Variants in SUPV3L1 observed in about 807,000 individuals in gnomAD.
SUPV3L1 encodes the protein ATP-dependent RNA helicase SUPV3L1, mitochondrial.
A neutral mutation model predicts 70.0 loss-of-function variants in SUPV3L1; 35 were observed. The observed-to-expected ratio is 0.50, with a 90% CI of 0.38 to 0.66. The LOEUF is 0.66. Among genes scored for constraint, SUPV3L1 ranks in the 30% least tolerant of loss-of-function variants. SUPV3L1 has a pLI of 0.00. For missense variants in SUPV3L1, 777 were observed against 961.5 expected (o/e 0.81, Z 2.54); for synonymous variants, 364 against 341.9 (o/e 1.06, Z -0.71).
chr10:69,202,832 G>C (rs369922683), intron 12 of SUPV3L1, 35 bp from the exon 13 acceptor site: 1 of 1,588,986 alleles, frequency 6.3e-7, no homozygotes, highest in Non-Finnish European at 8.6e-7. Flanking sequence ...AATTCACTTA[G>C]GCAGTCCAGT....
chr10:69,196,885 G>C, intron 7 of SUPV3L1, 107 bp from the exon 8 acceptor site: 2 of 873,874 alleles, frequency 2.3e-6, no homozygotes, highest in South Asian at 1.6e-5. Context: ...TACTTGGTAA[G>C]GTTGTAAAGC....
At chr10:69,182,282 A>T (rs796510643) in intron 1 of SUPV3L1, among the ~76,000 whole-genome samples, 2 of 152,300 alleles carry the variant, frequency 1.3e-5, no homozygotes, top group African/African-American at 4.8e-5. Context: ...GACCTGAGCC[A>T]CTGCACCCAG....
chr10:69,180,484 G>T lies in SUPV3L1; in HGVS notation c.193G>T (p.Val65Leu). The T allele has an allele frequency of 6.2e-7, 1 of 1,614,156 alleles. No homozygotes were observed. The highest frequency in any genetic ancestry group is 8.5e-7 in the Non-Finnish European group (1 of 1,180,026). Residue 65 changes from valine (V) to leucine (L), a missense_variant, in exon 1 of 15, where the codon GTG becomes TTG. Coordinates refer to ENST00000359655, the MANE Select transcript of SUPV3L1 (RefSeq NM_003171.5). ...CAAAATACCAAACACGTCCTTGTTC[G>T]TGCCCCTGACTGTGAAACCTCAGGG... Reference protein sequence around the residue: ...GSKIPNTSLFVPLTVKPQGPS... With the variant: ...GSKIPNTSLFLPLTVKPQGPS...
At chr10:69,189,123 A>G in intron 4 of SUPV3L1, 144 bp from the exon 5 acceptor site, 3 of 824,760 alleles carry the variant, frequency 3.6e-6, no homozygotes, top group Non-Finnish European at 5.2e-6. Flanking sequence ...TAATGTGGAT[A>G]TGAAACCCAT....
At chr10:69,189,138 T>G in intron 4 of SUPV3L1, 129 bp from the exon 5 acceptor site, 1 of 951,080 alleles carries the variant, frequency 1.1e-6, no homozygotes, top group Non-Finnish European at 1.5e-6. Context: ...ACCCATTGTT[T>G]AGTTTTTCAA....
At chr10:69,183,771 G>A (rs1253317958) in intron 1 of SUPV3L1, among the ~76,000 whole-genome samples, 2 of 151,956 alleles carry the variant, frequency 1.3e-5, no homozygotes, top group African/African-American at 4.8e-5. Context: ...TAGTGTATTT[G>A]CAGGATTGTA....
At chr10:69,198,609 G>T (rs1045172469) in intron 9 of SUPV3L1, 57 bp downstream of exon 9, 1 of 1,531,026 alleles carries the variant, frequency 6.5e-7, no homozygotes, top group African/African-American at 1.4e-5. Flanking sequence ...TGCAATTTAT[G>T]TTGAGATATA....
Position 69,208,974 on chromosome 10 carries a change from C to G in SUPV3L1, c.2300C>G (p.Thr767Arg). 2 of 1,613,132 alleles carry G rather than the reference C, an allele frequency of 1.2e-6. No individual in the cohort carries two copies. The highest frequency in any genetic ancestry group is 1.7e-6 in the Non-Finnish European group (2 of 1,179,866). Reference sequence around the variant, plus strand: ...CAAACTGAACACAACAAAGAAAAAACAGAGTCTGGGACTCATCCAAAAGGG... The same window carrying G: ...CAAACTGAACACAACAAAGAAAAAAGAGAGTCTGGGACTCATCCAAAAGGG... ...TQQTEHNKEK[T>R]ESGTHPKGTR... The change falls in exon 15 of 15, where the codon ACA becomes AGA. Residue 767 changes from threonine to arginine, a missense_variant. Thr to Arg is a moderately conservative substitution (Grantham distance 71). Transcript: ENST00000359655.
At chr10:69,194,305 G>A (rs1452515804) in intron 6 of SUPV3L1, among the ~76,000 whole-genome samples, 1 of 151,908 alleles carries the variant, frequency 6.6e-6, no homozygotes, top group African/African-American at 2.4e-5. Flanking sequence ...CCAGGAGTTC[G>A]AGACCAGCCT....
At chr10:69,194,432 G>A (rs1842482449) in intron 6 of SUPV3L1, among the ~76,000 whole-genome samples, 1 of 151,878 alleles carries the variant, frequency 6.6e-6, no homozygotes, top group Admixed American at 6.6e-5. Flanking sequence ...GCTCACTGCA[G>A]GCTCCGCCTC....
intron 1 of SUPV3L1, among the ~76,000 whole-genome samples, chr10:69,181,679 A>G (rs1842065485): frequency 6.6e-6 from 1 of 152,162 alleles, no homozygotes; most frequent in Non-Finnish European, 1.5e-5. Flanking sequence ...ACATGGTGGA[A>G]GGTGGAAAGG....
Position 69,180,312 on chromosome 10 carries a change from A to G in SUPV3L1, c.21A>G (p.Leu7=), listed in dbSNP as rs748186404. The change falls in exon 1 of 15, where the codon CTA becomes CTG. Residue 7 remains leucine, a synonymous_variant. Coordinates refer to ENST00000359655, the MANE Select transcript of SUPV3L1 (RefSeq NM_003171.5). The part of the protein sequence containing the change: MSFSRA[L]LWARLPAGRQ... The stretch of plus-strand genomic sequence containing the variant: ...CCTCGATGTCCTTCTCCCGTGCCCT[A>G]TTGTGGGCTCGGCTCCCGGCGGGGC... The G allele has an allele frequency of 8.7e-6, 14 of 1,613,744 alleles. No homozygotes were observed. The highest frequency in any genetic ancestry group is 1.2e-5 in the Non-Finnish European group (14 of 1,179,928).
rs150570827 is a variant in SUPV3L1 at position 69,193,405 on chromosome 10, A to G, written c.853+1639A>G. On this transcript the variant is annotated intron_variant, in intron 6 of 14. Transcript: ENST00000359655. ...GTTTATAAATCAGAATTTCTTCTCT[A>G]TGTCTTCTCTTCTAGTCTTGTTTGT... The G allele has an allele frequency of 3.3e-5, 5 of 151,078 alleles. No individual in the cohort carries two copies. The East Asian group carries it at 5.8e-4, about 18-fold the overall frequency. 9.4% of individuals were successfully genotyped at this position (151,078 alleles called of 1,614,324 possible).
At chr10:69,202,828 C>T (rs1406094614) in intron 12 of SUPV3L1, 39 bp from the exon 13 acceptor site, 3 of 1,581,694 alleles carry the variant, frequency 1.9e-6, no homozygotes, top group East Asian at 2.2e-5. Context: ...TTTTAATTCA[C>T]TTAGGCAGTC....
chr10:69,202,769 G>A (rs1260953096), intron 12 of SUPV3L1, 98 bp from the exon 13 acceptor site: 5 of 1,297,134 alleles, frequency 3.9e-6, no homozygotes, highest in Non-Finnish European at 4.3e-6. Context: ...GTTTGTTCTG[G>A]ATTAAAGAGA....
Position 69,200,357 on chromosome 10 carries a change from T to A in SUPV3L1, c.1376T>A (p.Ile459Asn). The stretch of plus-strand genomic sequence containing the variant: ...AAGGGAGAGAGAGAACTAGAACCAA[T>A]CACAACCTCTCAAGCCCTGCAGATT... ...NEKGERELEPITTSQALQIAG... is the reference protein window; with the variant it reads ...NEKGERELEPNTTSQALQIAG... Residue 459 changes from isoleucine (I) to asparagine (N), a missense_variant, in exon 11 of 15, where the codon ATC (isoleucine) becomes AAC (asparagine). Coordinates refer to ENST00000359655, the MANE Select transcript of SUPV3L1 (RefSeq NM_003171.5). 6.2e-7 allele frequency: 1 copy of A among 1,614,050 alleles called. No homozygotes were observed. The highest frequency in any genetic ancestry group is 8.5e-7 in the Non-Finnish European group (1 of 1,180,018).
At chr10:69,182,763 G>A (rs531145400) in intron 1 of SUPV3L1, 82 of 795,740 alleles carry the variant, frequency 1.0e-4, no homozygotes, top group Non-Finnish European at 1.2e-4. Flanking sequence ...ACTACACTCT[G>A]ATATAGCCAT....
Position 69,207,919 on chromosome 10 carries a change from T to C in SUPV3L1, c.1903T>C (p.Leu635=). The change falls in exon 14 of 15, where the codon TTG becomes CTG. Residue 635 remains leucine (L), a synonymous_variant. Transcript: ENST00000359655. ...GGATCTTGAAGCTGTCCACGATGTC[T>C]TGGATCTTTACTTGTGGCTAAGGTA... The part of the protein sequence containing the change: ...LMDLEAVHDV[L]DLYLWLSYRF... 6.2e-7 allele frequency: 1 copy of C among 1,614,064 alleles called. No homozygotes were observed.
At chr10:69,184,358 GTC>G (rs1842154716) in intron 1 of SUPV3L1, among the ~76,000 whole-genome samples, 1 of 151,932 alleles carries the variant, frequency 6.6e-6, no homozygotes, top group Non-Finnish European at 1.5e-5. Context: ...GAGAAACCCT[GTC>G]TCTACTAAAA....
Sources: allele counts gnomAD v4.1 joint callset (sites outside exome capture counted in the v4.1 genomes callset), GRCh38; gene constraint gnomAD v4.1.1; transcripts MANE v1.5; gene names NCBI Gene and HGNC (gene_info 2026-07-23, HGNC 2026-07-21).